Variants in MPP4 observed in about 807,000 individuals in gnomAD.
The protein encoded by MPP4 is MAGUK p55 subfamily member 4.
MPP4 carries 91 observed loss-of-function variants against 98.3 expected under a neutral mutation model. The ratio of observed to expected loss-of-function variants is 0.93; its 90% confidence interval spans 0.78 to 1.10. The LOEUF is 1.10. Ranked by LOEUF, MPP4 falls within the 50% of genes least tolerant of loss-of-function variation. The probability of loss-of-function intolerance (pLI) is 0.00; values close to 1 mark genes in which losing one functional copy is unlikely to be tolerated. For synonymous variants in MPP4, 261 were observed against 271.8 expected (o/e 0.96, Z 0.39); for missense variants, 744 against 792.9 (o/e 0.94, Z 0.74).
intron 14 of MPP4, among the ~76,000 whole-genome samples, chr2:201,661,028 C>A (rs1422459341): frequency 6.6e-6 from 1 of 152,198 alleles, no homozygotes; most frequent in Non-Finnish European, 1.5e-5. Flanking sequence ...TCAAGCAATT[C>A]TCTTGCCTCA....
Position 201,645,050 on chromosome 2 carries a change from C to G in MPP4, c.*160G>C. On this transcript the variant is annotated 3_prime_UTR_variant, in exon 22 of 22. Coordinates refer to ENST00000409474, the MANE Select transcript of MPP4 (RefSeq NM_033066.3). ...AAGTTAAAATAGGTAACCACATAAC[C>G]ATACAATAAAAATTTTTTTCAAATA... is the stretch of plus-strand genomic sequence containing the variant. 8.9e-6 allele frequency: 5 copies of G among 562,546 alleles called. 1 individual carries two copies. In the Middle Eastern group the frequency reaches 1.5e-3, roughly 167 times the overall value. 34.8% of individuals were successfully genotyped at this position (562,546 alleles called of 1,614,324 possible).
At chr2:201,691,069 C>A (rs930849243) in intron 3 of MPP4, among the ~76,000 whole-genome samples, 1 of 152,174 alleles carries the variant, frequency 6.6e-6, no homozygotes, top group Admixed American at 6.6e-5. Flanking sequence ...TCCCAGGGCC[C>A]GCATTCAGGT....
At chr2:201,649,483 T>C in intron 20 of MPP4, 93 bp downstream of exon 20, 1 of 874,870 alleles carries the variant, frequency 1.1e-6, no homozygotes, top group Non-Finnish European at 1.8e-6. Flanking sequence ...GCTAACAGAA[T>C]AAATGTCTCA....
chr2:201,655,327 G>A (rs574466118), intron 17 of MPP4, among the ~76,000 whole-genome samples: 12 of 152,160 alleles, frequency 7.9e-5, no homozygotes, highest in Admixed American at 2.6e-4. Context: ...GAATTCAGGG[G>A]CACATTCCTG....
chr2:201,657,840 A>G (rs922807726), intron 16 of MPP4, among the ~76,000 whole-genome samples: 2 of 151,092 alleles, frequency 1.3e-5, no homozygotes, highest in Non-Finnish European at 2.9e-5. Context: ...TGCCTTCTTC[A>G]CCCTGCTCAT....
Position 201,692,970 on chromosome 2 carries a change from C to T in MPP4, c.139G>A (p.Val47Met). 3 of 1,613,122 alleles carry T rather than the reference C, an allele frequency of 1.9e-6. No individual in the cohort carries two copies. Residue 47 changes from valine (V) to methionine (M), a missense_variant, in exon 3 of 22, where the codon GTG (valine) becomes ATG (methionine). Coordinates refer to ENST00000409474, the MANE Select transcript of MPP4 (RefSeq NM_033066.3). ...QELSLFYGRDVNGVCLLYDLL... is the reference protein window; with the variant it reads ...QELSLFYGRDMNGVCLLYDLL... ...TCGTACAAGAGACACACTCCATTCA[C>T]ATCTCTGCCGTAGAACAGACTCAGC... is the stretch of plus-strand genomic sequence containing the variant.
intron 16 of MPP4, among the ~76,000 whole-genome samples, chr2:201,657,593 T>TTTTTTG (rs1687886980): frequency 8.6e-6 from 1 of 116,688 alleles, no homozygotes; most frequent in Non-Finnish European, 1.8e-5. Flanking sequence ...GGCCCTTGTT[T>TTTTTTG]TTTTTTTGTT....
chr2:201,675,686 T>A (rs896124156), intron 10 of MPP4, among the ~76,000 whole-genome samples: 1 of 152,220 alleles, frequency 6.6e-6, no homozygotes, highest in African/African-American at 2.4e-5. Context: ...TAGATGACTC[T>A]GCTCCTTTCT....
intron 16 of MPP4, 96 bp downstream of exon 16, chr2:201,658,381 T>C (rs1248483547): frequency 6.0e-6 from 6 of 996,732 alleles, no homozygotes; most frequent in Non-Finnish European, 9.2e-6. Context: ...GGTCTGGAAA[T>C]GTTCATTAGC....
intron 11 of MPP4, among the ~76,000 whole-genome samples, chr2:201,674,250 GC>G (rs1471734518): frequency 6.6e-6 from 1 of 152,218 alleles, no homozygotes; most frequent in African/African-American, 2.4e-5. Flanking sequence ...GCACATATGA[GC>G]TGCAGAGATC....
Position 201,660,961 on chromosome 2 carries a change from C to T in MPP4, c.1073-615G>A, listed in dbSNP as rs1688009980. On this transcript the variant is annotated intron_variant, in intron 14 of 21. Coordinates refer to ENST00000409474, the MANE Select transcript of MPP4 (RefSeq NM_033066.3). The stretch of plus-strand genomic sequence containing the variant: ...TTTTGAGATGCAGTCCCCTCTGTCA[C>T]CCAGGCTGGAGTGCAATGGTGCTAT... 2.6e-5 allele frequency among the ~76,000 whole-genome samples: 4 copies of T among 152,196 alleles called. No homozygotes were observed. The South Asian group carries it at 8.3e-4, about 32-fold the overall frequency.
chr2:201,677,334 A>G (rs900846569), intron 10 of MPP4, among the ~76,000 whole-genome samples: 3 of 152,116 alleles, frequency 2.0e-5, no homozygotes, highest in Admixed American at 1.3e-4. Flanking sequence ...TACTTGCCAA[A>G]AATATTTGCT....
chr2:201,687,392 CAT>C (rs773641763), intron 4 of MPP4, 21 bp from the exon 5 acceptor site: 4 of 1,547,956 alleles, frequency 2.6e-6, no homozygotes, highest in Non-Finnish European at 2.6e-6. Flanking sequence ...GAAAAGGATA[CAT>C]TATAAAAATT....
Position 201,687,375 on chromosome 2 carries a change from G to T in MPP4, c.280-4C>A. 1 of 1,568,520 alleles carries T rather than the reference G, an allele frequency of 6.4e-7. No individual in the cohort carries two copies. The highest frequency in any genetic ancestry group is 8.7e-7 in the Non-Finnish European group (1 of 1,154,920). On this transcript the variant is annotated splice_polypyrimidine_tract_variant and splice_region_variant and intron_variant, in intron 4 of 21. Coordinates refer to ENST00000409474, the MANE Select transcript of MPP4 (RefSeq NM_033066.3). ...TTTCACGTAATAACTCCACTACCTGGTTCATGGAAAAGGATACATTATAAA... is the reference window on the plus strand; with the variant it reads ...TTTCACGTAATAACTCCACTACCTGTTTCATGGAAAAGGATACATTATAAA...
rs1325415883 is a variant in MPP4 at position 201,656,285 on chromosome 2, A to T, written c.1213T>A (p.Cys405Ser). The stretch of plus-strand genomic sequence containing the variant: ...TAAGGGGCACCCACTGCACTGTAGC[A>T]GCTGCCGGTGCAGCACACACTGGCA... ...LHASVCCTGSCYSAVGAPYEE... is the reference protein window; with the variant it reads ...LHASVCCTGSSYSAVGAPYEE... The change falls in exon 17 of 22, where the codon TGC becomes AGC. Residue 405 changes from cysteine to serine, a missense_variant. By Grantham distance (112) the Cys-to-Ser change is moderately radical. Coordinates refer to ENST00000409474, the MANE Select transcript of MPP4 (RefSeq NM_033066.3). 6.3e-7 allele frequency: 1 copy of T among 1,586,126 alleles called. No individual in the cohort carries two copies. Among genetic ancestry groups the T allele is most frequent in the Non-Finnish European group, 8.6e-7 (1 of 1,165,964 alleles).
intron 10 of MPP4, among the ~76,000 whole-genome samples, chr2:201,678,984 C>T (rs979991901): frequency 1.3e-5 from 2 of 152,142 alleles, no homozygotes; most frequent in Non-Finnish European, 2.9e-5. Flanking sequence ...TCAACCTCAG[C>T]CACTGCCTCC....
Position 201,682,924 on chromosome 2 carries a change from G to C in MPP4, c.575-8C>G. 11 of 1,610,684 alleles carry C rather than the reference G, an allele frequency of 6.8e-6. No individual in the cohort carries two copies. The highest frequency in any genetic ancestry group is 9.3e-6 in the Non-Finnish European group (11 of 1,177,604). On this transcript the variant is annotated splice_polypyrimidine_tract_variant and splice_region_variant and intron_variant, in intron 7 of 21. Coordinates refer to ENST00000409474, the MANE Select transcript of MPP4 (RefSeq NM_033066.3). ...CTCCAGCATATAGCAACCCTAGGCA[G>C]ACAGTAACAAAAAACAAAGAAAGAT...
Position 201,690,226 on chromosome 2 carries a change from T to A in MPP4, c.255A>T (p.Pro85=). 14 of 1,609,680 alleles carry A rather than the reference T, an allele frequency of 8.7e-6. No homozygotes were observed. Among genetic ancestry groups the A allele is most frequent in the Non-Finnish European group, 1.2e-5 (14 of 1,177,814 alleles). Residue 85 remains proline, a synonymous_variant, in exon 4 of 22, where the codon CCA becomes CCT. Transcript: ENST00000409474. ...CCTCATAGGATAACACCTGTGCATG[T>A]GGTGTGGCAGGAACTAGTTTCTTTT... ...FKEKKLVPAT[P]HAQVLSYEVV... is the part of the protein sequence containing the mutation.
At chr2:201,694,445 T>C (rs1399574212) in intron 1 of MPP4, among the ~76,000 whole-genome samples, 1 of 152,106 alleles carries the variant, frequency 6.6e-6, no homozygotes, top group Non-Finnish European at 1.5e-5. Context: ...ATAGAAGAAC[T>C]AGCTGGTCTG....
Sources: allele counts gnomAD v4.1 joint callset (sites outside exome capture counted in the v4.1 genomes callset), GRCh38; gene constraint gnomAD v4.1.1; transcripts MANE v1.5; gene names NCBI Gene and HGNC (gene_info 2026-07-23, HGNC 2026-07-21).